ATP6V1G1: variants seen among roughly 807,000 people sequenced by gnomAD.
The protein encoded by ATP6V1G1 is ATPase H+ transporting V1 subunit G1.
Under a neutral mutation model 14.2 loss-of-function variants are expected in ATP6V1G1, and 14 were observed. The observed-to-expected ratio is 0.99, with a 90% confidence interval of 0.65 to 1.55. ATP6V1G1 has a LOEUF of 1.55. Among genes scored for constraint, ATP6V1G1 ranks in the 40% most tolerant of loss-of-function variants. ATP6V1G1 has a pLI of 0.00. For missense variants in ATP6V1G1, 137 were observed against 146.4 expected (o/e 0.94, Z 0.33); for synonymous variants, 65 against 53.3 (o/e 1.22, Z -0.96).
rs568079630 is a variant in ATP6V1G1, at chr9:114,598,838, G to A, written c.*1095G>A. Among the ~76,000 whole-genome samples the A allele has an allele frequency of 6.6e-6, 1 of 152,016 alleles. No homozygotes were observed. The highest frequency in any genetic ancestry group is 2.1e-4 in the South Asian group (1 of 4,826). ...ATTATGGGATTTCCTTGCTTGTTCT[G>A]ATACAATACAACTAGATGACCTTAA... On this transcript the variant is annotated 3_prime_UTR_variant, in exon 3 of 3. Coordinates refer to ENST00000374050, the MANE Select transcript of ATP6V1G1 (RefSeq NM_004888.4).
intron 1 of ATP6V1G1, among the ~76,000 whole-genome samples, chr9:114,590,437 A>G (rs1845171987): frequency 6.6e-6 from 1 of 151,442 alleles, no homozygotes; most frequent in Admixed American, 6.6e-5. Context: ...AAAAATACAA[A>G]AACATATAAA....
chr9:114,597,636 C>T lies in ATP6V1G1; in HGVS notation c.250C>T (p.Leu84Phe), dbSNP rs1013692981. 5.0e-5 allele frequency: 80 copies of T among 1,588,208 alleles called. No homozygotes were observed. In the South Asian group the frequency reaches 8.4e-4, roughly 17 times the overall value. Reference protein sequence around the residue: ...EKETQEKMTILQTYFRQNRDE... With the variant: ...EKETQEKMTIFQTYFRQNRDE... ...GGAGACCCAGGAGAAGATGACCATC[C>T]TCCAGACATACTTCCGGCAGAACAG... The change falls in exon 3 of 3, where the codon CTC (leucine) becomes TTC (phenylalanine). Residue 84 changes from leucine (L) to phenylalanine (F), a missense_variant. By Grantham distance (22) the Leu-to-Phe change is conservative. Coordinates refer to ENST00000374050, the MANE Select transcript of ATP6V1G1 (RefSeq NM_004888.4).
At chr9:114,589,330 T>C (rs972928023) in intron 1 of ATP6V1G1, among the ~76,000 whole-genome samples, 1 of 152,216 alleles carries the variant, frequency 6.6e-6, no homozygotes, top group Non-Finnish European at 1.5e-5. Context: ...GATGCTTCTA[T>C]CCCTATTTTA....
chr9:114,588,158 G>A, intron 1 of ATP6V1G1: 1 of 556,860 alleles, frequency 1.8e-6, no homozygotes, highest in Non-Finnish European at 3.2e-6. Context: ...TACCGTCCTT[G>A]GGGCCTGGAG....
chr9:114,597,038 T>C (rs553763229), intron 2 of ATP6V1G1, among the ~76,000 whole-genome samples: 28 of 144,330 alleles, frequency 1.9e-4, no homozygotes, highest in Non-Finnish European at 3.0e-4. Flanking sequence ...TCGCCCAGGC[T>C]GGAGTGCAGT....
At chr9:114,591,182 A>G (rs1845178924) in intron 1 of ATP6V1G1, among the ~76,000 whole-genome samples, 1 of 152,228 alleles carries the variant, frequency 6.6e-6, no homozygotes, top group African/African-American at 2.4e-5. Flanking sequence ...AAGGCCCAAG[A>G]AGAACAAGAT....
intron 1 of ATP6V1G1, among the ~76,000 whole-genome samples, chr9:114,588,701 A>AC (rs1459982189): frequency 1.3e-5 from 2 of 152,112 alleles, no homozygotes; most frequent in African/African-American, 4.8e-5. Context: ...AAAGAATTTA[A>AC]CAGGTGAGTT....
chr9:114,587,941 G>T, intron 1 of ATP6V1G1, 21 bp downstream of exon 1: 2 of 1,557,272 alleles, frequency 1.3e-6, no homozygotes, highest in Non-Finnish European at 1.7e-6. Context: ...GGGTGGGGCT[G>T]CCCGGCGTGG....
chr9:114,598,545 TC>T lies in ATP6V1G1; in HGVS notation c.*804del, dbSNP rs1363089421. On this transcript the variant is annotated 3_prime_UTR_variant, in exon 3 of 3. Transcript: ENST00000374050. ...ATTTATATACATAATTAGAAAATGT[TC>T]CTGATACATGTGTCATGTGATTTCT... Among the ~76,000 whole-genome samples, 2 of 152,216 alleles carry T rather than the reference TC, an allele frequency of 1.3e-5. No individual in the cohort carries two copies. Among genetic ancestry groups the T allele is most frequent in the Non-Finnish European group, 2.9e-5 (2 of 68,046 alleles).
chr9:114,588,117 T>TCA (rs1845145320), intron 1 of ATP6V1G1, 197 bp downstream of exon 1: 4 of 619,814 alleles, frequency 6.5e-6, no homozygotes, highest in Admixed American at 5.9e-5. Context: ...CGATGTGAGA[T>TCA]GGTAAATTGG....
chr9:114,594,309 TCTGC>T (rs1241221579), intron 2 of ATP6V1G1, among the ~76,000 whole-genome samples: 3 of 152,066 alleles, frequency 2.0e-5, no homozygotes, highest in Non-Finnish European at 2.9e-5. Flanking sequence ...CCGCAGGTGA[TCTGC>T]CTGCCCCGGC....
chr9:114,594,861 C>CTTTTTTTTTTTTTTTTTTTTTT (rs71997716), intron 2 of ATP6V1G1, among the ~76,000 whole-genome samples: 2 of 110,576 alleles, frequency 1.8e-5, no homozygotes, highest in Non-Finnish European at 3.6e-5. Context: ...TTCTTTTTTT[C>CTTTTTTTTTTTTTTTTTTTTTT]TTTTTTTTTT....
At chr9:114,589,758 T>A (rs1845164599) in intron 1 of ATP6V1G1, among the ~76,000 whole-genome samples, 1 of 139,402 alleles carries the variant, frequency 7.2e-6, no homozygotes, top group South Asian at 2.5e-4. Flanking sequence ...GGAGAATAGA[T>A]TGGGGAAGTG....
intron 1 of ATP6V1G1, among the ~76,000 whole-genome samples, chr9:114,589,245 C>G (rs1395773911): frequency 6.6e-6 from 1 of 152,208 alleles, no homozygotes; most frequent in Non-Finnish European, 1.5e-5. Context: ...GGCTCAGTCA[C>G]TAGACTAAGC....
At chr9:114,595,815 G>A (rs1388105212) in intron 2 of ATP6V1G1, among the ~76,000 whole-genome samples, 1 of 152,052 alleles carries the variant, frequency 6.6e-6, no homozygotes, top group Non-Finnish European at 1.5e-5. Flanking sequence ...CTCCTTATAG[G>A]TCGTTGTGAG....
chr9:114,591,205 C>T (rs1175322953), intron 1 of ATP6V1G1, among the ~76,000 whole-genome samples: 2 of 152,158 alleles, frequency 1.3e-5, no homozygotes, highest in South Asian at 2.1e-4. Flanking sequence ...AAGAGAAATA[C>T]GATTTTCTGT....
Position 114,597,861 on chromosome 9 carries a change from TAATA to T in ATP6V1G1, c.*119_*122del. 1 of 949,240 alleles carries T rather than the reference TAATA, an allele frequency of 1.1e-6. No homozygotes were observed. The highest frequency in any genetic ancestry group is 3.3e-5 in the East Asian group (1 of 30,444). The allele number at this position is 949,240 out of a possible 1,614,324, so 58.8% of individuals were successfully genotyped here. A position where few individuals can be genotyped will look rare whatever the true frequency, so the allele number is the denominator to read the frequency against. On this transcript the variant is annotated 3_prime_UTR_variant, in exon 3 of 3. Transcript: ENST00000374050. ...CATTAAATTATTTCCATATATTATA[TAATA>T]GGTCCTTCCACTTTTTGGAGAGTAG...
chr9:114,596,851 G>A (rs1412189084), intron 2 of ATP6V1G1, among the ~76,000 whole-genome samples: 2 of 152,076 alleles, frequency 1.3e-5, no homozygotes, highest in East Asian at 1.9e-4. Context: ...CATTGATACT[G>A]TTGTATATCT....
At position 114,598,635 on chromosome 9, in the gene ATP6V1G1, C is replaced by T. The variant is rs1028992045; in HGVS notation, c.*892C>T. Among the ~76,000 whole-genome samples, 1 of 152,174 alleles carries T rather than the reference C, an allele frequency of 6.6e-6. No homozygotes were observed. Among genetic ancestry groups the T allele is most frequent in the South Asian group, 2.1e-4 (1 of 4,826 alleles). On this transcript the variant is annotated 3_prime_UTR_variant, in exon 3 of 3. Coordinates refer to ENST00000374050, the MANE Select transcript of ATP6V1G1 (RefSeq NM_004888.4). ...GTAGGTTGTCTTTTCTCTAGAGATC[C>T]TTGTCCTGGGACAGCCTGGGGCAAG...
Sources: gnomAD v4.1 joint callset for allele counts (sites outside exome capture counted in the v4.1 genomes callset) on GRCh38, gnomAD v4.1.1 for gene constraint, MANE v1.5 for transcripts, NCBI Gene and HGNC (gene_info 2026-07-23, HGNC 2026-07-21) for gene names.